ANO10: variants seen among roughly 807,000 people sequenced by gnomAD.
ANO10 encodes the protein anoctamin 10, also known as anoctamin-10.
Under a neutral mutation model 74.7 loss-of-function variants are expected in ANO10, and 77 were observed. The ratio of observed to expected loss-of-function variants is 1.03; its 90% CI spans 0.86 to 1.25. The LOEUF (loss-of-function observed/expected upper bound fraction) is 1.25, where lower values mean the gene tolerates loss of function less well. Among genes scored for constraint, ANO10 ranks in the 50% most tolerant of loss-of-function variants. The pLI is 0.00. For missense variants in ANO10, 721 were observed against 778.1 expected, an observed-to-expected ratio of 0.93 and a Z score of 0.87; for synonymous variants, 279 against 284.9, an observed-to-expected ratio of 0.98 and a Z score of 0.21.
intron 5 of ANO10, among the ~76,000 whole-genome samples, chr3:43,578,749 CAAAAA>C (rs56186109): frequency 1.6e-5 from 1 of 64,442 alleles, no homozygotes; most frequent in East Asian, 8.9e-4. Context: ...GACTCCATCT[CAAAAA>C]AAAAAAAAAA....
chr3:43,533,241 C>CA (rs2078553302), intron 11 of ANO10, among the ~76,000 whole-genome samples: 1 of 152,064 alleles, frequency 6.6e-6, no homozygotes, highest in African/African-American at 2.4e-5. Flanking sequence ...AGAAAGGAGC[C>CA]AAAAACAGGA....
In ANO10 at chr3:43,656,892, G is replaced by A. The variant is rs2083861841; in HGVS notation, c.-12+34625C>T. ...GGCTCCCACAGTGCAGCGGTGGGCTGAAGGGCTCCTCAAGTGCCGCCAAAG... is the reference window on the plus strand; with the variant it reads ...GGCTCCCACAGTGCAGCGGTGGGCTAAAGGGCTCCTCAAGTGCCGCCAAAG... On this transcript the variant is annotated intron_variant, in intron 1 of 3. Transcript: ENST00000413397. 2.0e-5 allele frequency among the ~76,000 whole-genome samples: 3 copies of A among 152,268 alleles called. No individual in the cohort carries two copies. The South Asian group carries it at 6.2e-4, about 31-fold the overall frequency.
chr3:43,667,864 T>C (rs1356736338), intron 1 of ANO10, among the ~76,000 whole-genome samples: 1 of 152,204 alleles, frequency 6.6e-6, no homozygotes. Flanking sequence ...CTTAGGTTGG[T>C]TCTACATCTT....
chr3:43,615,001 C>T (rs762743039), intron 1 of ANO10, among the ~76,000 whole-genome samples: 1 of 150,940 alleles, frequency 6.6e-6, no homozygotes, highest in Non-Finnish European at 1.5e-5. Context: ...ACAGACCCAA[C>T]TATATTTATT....
chr3:43,507,280 C>CGT (rs1474028054), intron 11 of ANO10, among the ~76,000 whole-genome samples: 4 of 152,152 alleles, frequency 2.6e-5, no homozygotes, highest in Non-Finnish European at 5.9e-5. Flanking sequence ...GACTGTCCTT[C>CGT]GTAGGAGACA....
At chr3:43,559,962 C>G (rs1360911149) in intron 9 of ANO10, among the ~76,000 whole-genome samples, 1 of 152,036 alleles carries the variant, frequency 6.6e-6, no homozygotes, top group Non-Finnish European at 1.5e-5. Context: ...TGTTACTGTT[C>G]AAAGTTTACT....
At chr3:43,505,744 C>G (rs987754016) in intron 11 of ANO10, among the ~76,000 whole-genome samples, 1 of 152,120 alleles carries the variant, frequency 6.6e-6, no homozygotes, top group African/African-American at 2.4e-5. Flanking sequence ...TGTTATTATT[C>G]TGCAGTTTTC....
intron 12 of ANO10, among the ~76,000 whole-genome samples, chr3:43,372,117 A>G (rs1258497989): frequency 1.3e-5 from 2 of 152,160 alleles, no homozygotes; most frequent in Non-Finnish European, 2.9e-5. Context: ...GCAGGCAACC[A>G]CAAGTGCCAG....
At chr3:43,475,103 C>A (rs1052636666) in intron 11 of ANO10, among the ~76,000 whole-genome samples, 1 of 152,278 alleles carries the variant, frequency 6.6e-6, no homozygotes, top group Non-Finnish European at 1.5e-5. Flanking sequence ...ATATACATGC[C>A]TTTATAAGCT....
intron 1 of ANO10, among the ~76,000 whole-genome samples, chr3:43,619,729 G>A (rs745685200): frequency 1.3e-5 from 2 of 151,628 alleles, no homozygotes; most frequent in African/African-American, 2.4e-5. Context: ...GCTGGATACG[G>A]TGAAGCTCTC....
intron 11 of ANO10, chr3:43,472,516 T>A (rs928103643): frequency 2.0e-5 from 3 of 152,076 alleles, no homozygotes; most frequent in Non-Finnish European, 4.4e-5. Context: ...TCTCAGTTGA[T>A]CGTTCATGGT....
At chr3:43,493,966 C>CA (rs1228272084) in intron 11 of ANO10, among the ~76,000 whole-genome samples, 2 of 152,100 alleles carry the variant, frequency 1.3e-5, no homozygotes, top group Non-Finnish European at 2.9e-5. Flanking sequence ...GAACTCCTGG[C>CA]ATTAAGCAAT....
intron 11 of ANO10, among the ~76,000 whole-genome samples, chr3:43,488,249 A>G (rs553775919): frequency 3.1e-4 from 47 of 151,354 alleles, no homozygotes; most frequent in Admixed American, 5.3e-4. Flanking sequence ...CATTCAGGAC[A>G]TAGGCATGGG....
intron 4 of ANO10, among the ~76,000 whole-genome samples, chr3:43,598,296 C>T (rs2082180977): frequency 1.3e-5 from 2 of 152,134 alleles, no homozygotes; most frequent in Non-Finnish European, 2.9e-5. Flanking sequence ...TGTATACACA[C>T]TGGATTTTAA....
At position 43,426,817 on chromosome 3, in the gene ANO10, C is replaced by T. The variant is rs2092906580; in HGVS notation, c.1914+5794G>A. On this transcript the variant is annotated intron_variant, in intron 12 of 12. Transcript: ENST00000292246. ...ATAAAGCCTAATCATTTGAAAATGC[C>T]CTATGCAAAGTAAACTATTTTATTT... Among the ~76,000 whole-genome samples the T allele has an allele frequency of 2.6e-5, 4 of 152,168 alleles. No individual in the cohort carries two copies. The South Asian group carries it at 8.3e-4, about 32-fold the overall frequency.
chr3:43,485,185 C>A, intron 11 of ANO10: 1 of 708,174 alleles, frequency 1.4e-6, no homozygotes, highest in Non-Finnish European at 2.5e-6. Context: ...ACAGCGCCTG[C>A]GGTGGTCAGG....
chr3:43,485,296 G>A (rs887378503), intron 11 of ANO10: 13 of 576,794 alleles, frequency 2.3e-5, no homozygotes, highest in African/African-American at 1.9e-4. Flanking sequence ...TCGCAGACCC[G>A]CTGCTGACTT....
chr3:43,570,512 C>T (rs906489780), intron 7 of ANO10, among the ~76,000 whole-genome samples: 4 of 152,092 alleles, frequency 2.6e-5, no homozygotes, highest in African/African-American at 9.7e-5. Context: ...CAGAACAGAG[C>T]CCTCACAAAT....
At chr3:43,668,451 T>C (rs1193228193) in intron 1 of ANO10, among the ~76,000 whole-genome samples, 1 of 152,182 alleles carries the variant, frequency 6.6e-6, no homozygotes, top group Non-Finnish European at 1.5e-5. Flanking sequence ...TTTTTAATTT[T>C]TGTTTTTGTT....
Sources: gnomAD v4.1 joint callset for allele counts (sites outside exome capture counted in the v4.1 genomes callset) on GRCh38, gnomAD v4.1.1 for gene constraint, MANE v1.5 for transcripts, NCBI Gene and HGNC (gene_info 2026-07-23, HGNC 2026-07-21) for gene names.